ROBO1: variants seen among roughly 807,000 people sequenced by gnomAD.
The protein encoded by ROBO1 is roundabout homolog 1.
ROBO1 carries 149 observed loss-of-function variants against 195.9 expected under a neutral mutation model. The observed-to-expected ratio is 0.76, with a 90% confidence interval of 0.67 to 0.87. The LOEUF (loss-of-function observed/expected upper bound fraction) is 0.87. ROBO1 is among the 40% of genes least tolerant of loss of function. The pLI is 0.00. For synonymous variants in ROBO1, 816 were observed against 733.2 expected, an observed-to-expected ratio of 1.11 and a Z score of -1.82; for missense variants, 1,933 against 2,068.3, an observed-to-expected ratio of 0.93 and a Z score of 1.27.
At chr3:78,955,089 CAGGTAAACTGTGTGTCATGGGGTTATAT>C (rs757592526) in intron 3 of ROBO1, among the ~76,000 whole-genome samples, 18,959 of 145,026 alleles carry the variant, frequency 0.13, 1,956 homozygotes, top group African/African-American at 0.28. Flanking sequence ...GGGGGTTATA[CAGGTAAACTGTGTGTCATGGGGTTATAT>C]AGGTAAACTG....
At chr3:79,022,844 T>C (rs185766158) in intron 3 of ROBO1, among the ~76,000 whole-genome samples, 3 of 152,164 alleles carry the variant, frequency 2.0e-5, no homozygotes, top group Admixed American at 2.0e-4. Flanking sequence ...AACCTGAAAA[T>C]AATAGATTTC....
At chr3:79,251,767 C>T (rs1034957319) in intron 2 of ROBO1, among the ~76,000 whole-genome samples, 1 of 151,768 alleles carries the variant, frequency 6.6e-6, no homozygotes, top group Non-Finnish European at 1.5e-5. Context: ...CAAAAGCAAA[C>T]AAAAAACAAA....
At chr3:79,490,308 T>C (rs1174850480) in intron 2 of ROBO1, among the ~76,000 whole-genome samples, 1 of 152,208 alleles carries the variant, frequency 6.6e-6, no homozygotes. Flanking sequence ...GTCATCCCCA[T>C]GGACTCAGCC....
At chr3:79,736,805 C>T (rs1000321825) in intron 1 of ROBO1, among the ~76,000 whole-genome samples, 1 of 152,168 alleles carries the variant, frequency 6.6e-6, no homozygotes, top group Non-Finnish European at 1.5e-5. Context: ...TCCCTAAATA[C>T]ATAGTTAAGT....
chr3:79,413,987 G>T (rs976398485), intron 2 of ROBO1, among the ~76,000 whole-genome samples: 1 of 152,028 alleles, frequency 6.6e-6, no homozygotes, highest in Non-Finnish European at 1.5e-5. Flanking sequence ...AAAAAAGCAT[G>T]AACTTCCAGT....
At chr3:79,760,042 G>A (rs185309470) in intron 1 of ROBO1, among the ~76,000 whole-genome samples, 3 of 151,866 alleles carry the variant, frequency 2.0e-5, no homozygotes, top group Admixed American at 6.6e-5. Context: ...TTTGAGTCCA[G>A]CCTGGCCAAT....
chr3:79,167,234 G>A (rs1233756207), intron 2 of ROBO1, among the ~76,000 whole-genome samples: 1 of 150,296 alleles, frequency 6.7e-6, no homozygotes, highest in African/African-American at 2.5e-5. Flanking sequence ...ACTCACGCTA[G>A]TAAATTTTCT....
At chr3:78,917,931 A>G (rs2038714394) in intron 4 of ROBO1, among the ~76,000 whole-genome samples, 1 of 152,206 alleles carries the variant, frequency 6.6e-6, no homozygotes, top group East Asian at 1.9e-4. Flanking sequence ...GTGAATTCAT[A>G]TTAATATTTA....
chr3:79,680,465 T>C (rs879900829), intron 1 of ROBO1, among the ~76,000 whole-genome samples: 2 of 152,020 alleles, frequency 1.3e-5, no homozygotes, highest in Non-Finnish European at 2.9e-5. Context: ...TATGAGTTAC[T>C]GGATGGGAAA....
intron 2 of ROBO1, among the ~76,000 whole-genome samples, chr3:79,553,998 T>G (rs1942612684): frequency 6.6e-6 from 1 of 152,066 alleles, no homozygotes; most frequent in South Asian, 2.1e-4. Context: ...GGAGATAAAT[T>G]AATACATTTA....
chr3:79,766,582 G>A (rs1705007823), intron 1 of ROBO1, among the ~76,000 whole-genome samples: 1 of 151,926 alleles, frequency 6.6e-6, no homozygotes, highest in Admixed American at 6.6e-5. Context: ...GCTGCCCCGG[G>A]TGGAGCGGCA....
At chr3:79,647,800 T>A (rs559468683) in intron 1 of ROBO1, among the ~76,000 whole-genome samples, 1 of 152,166 alleles carries the variant, frequency 6.6e-6, no homozygotes, top group South Asian at 2.1e-4. Flanking sequence ...TGTTATTGTG[T>A]TTAGTGTTAT....
intron 3 of ROBO1, among the ~76,000 whole-genome samples, chr3:79,107,127 T>TCTCTCTCCCCCCCCCCCCCCC (rs1370578718): frequency 7.3e-6 from 1 of 136,388 alleles, no homozygotes; most frequent in African/African-American, 2.7e-5. Context: ...TCTCTCTCTC[T>TCTCTCTCCCCCCCCCCCCCCC]CACACACACA....
chr3:79,675,610 G>A (rs932617594), intron 1 of ROBO1, among the ~76,000 whole-genome samples: 2 of 151,956 alleles, frequency 1.3e-5, no homozygotes, highest in South Asian at 4.1e-4. Flanking sequence ...TGAATAATCA[G>A]TACTAATAAT....
intron 4 of ROBO1, among the ~76,000 whole-genome samples, chr3:78,889,431 G>C (rs913446511): frequency 6.6e-6 from 1 of 152,160 alleles, no homozygotes. Flanking sequence ...TTAGAGAGCC[G>C]TAAGTAGGAA....
chr3:78,746,913 G>T lies in ROBO1; in HGVS notation c.500-13C>A. The stretch of plus-strand genomic sequence containing the variant: ...TCATCCCGAAGTACTGTAGGAACAA[G>T]ATTAAATCATTATACCCAAAAGTGA... On this transcript the variant is annotated splice_polypyrimidine_tract_variant and intron_variant, in intron 4 of 30. Transcript: ENST00000464233. 6.6e-7 allele frequency: 1 copy of T among 1,512,536 alleles called. No individual in the cohort carries two copies. The highest frequency in any genetic ancestry group is 8.9e-7 in the Non-Finnish European group (1 of 1,117,936). The allele number at this position is 1,512,536 out of a possible 1,614,324, so 93.7% of individuals were successfully genotyped here.
At chr3:79,047,245 T>G (rs1400428540) in intron 3 of ROBO1, among the ~76,000 whole-genome samples, 1 of 152,032 alleles carries the variant, frequency 6.6e-6, no homozygotes. Flanking sequence ...AAGTAGAAAA[T>G]GTGCCTAATG....
chr3:78,730,104 T>A (rs993466297), intron 5 of ROBO1, among the ~76,000 whole-genome samples: 1 of 152,182 alleles, frequency 6.6e-6, no homozygotes, highest in Admixed American at 6.5e-5. Flanking sequence ...ATGACAAATG[T>A]TCATAGTATT....
At chr3:79,506,643 C>T (rs1283536497) in intron 2 of ROBO1, among the ~76,000 whole-genome samples, 2 of 152,138 alleles carry the variant, frequency 1.3e-5, no homozygotes, top group Non-Finnish European at 2.9e-5. Context: ...CAGGGTTTCA[C>T]CATGTTGGCC....
Sources: allele counts gnomAD v4.1 joint callset (sites outside exome capture counted in the v4.1 genomes callset), GRCh38; gene constraint gnomAD v4.1.1; transcripts MANE v1.5; gene names NCBI Gene and HGNC (gene_info 2026-07-23, HGNC 2026-07-21).